OFD1: variants seen among roughly 807,000 people sequenced by gnomAD.
OFD1 encodes the protein OFD1 centriole and centriolar satellite protein, also known as centriole and centriolar satellite protein OFD1.
OFD1 carries 12 observed loss-of-function variants against 81.4 expected under a neutral mutation model. The observed-to-expected ratio is 0.15, with a 90% CI of 0.09 to 0.24. OFD1 has a LOEUF of 0.24. Ranked by LOEUF, OFD1 falls within the 10% of genes least tolerant of loss-of-function variation. The pLI is 1.00. For missense variants in OFD1, 685 were observed against 733.9 expected (o/e 0.93, Z 0.77); for synonymous variants, 256 against 263.7 (o/e 0.97, Z 0.28).
downstream of OFD1, chrX:13,773,255 A>G (rs2048334468): frequency 6.9e-6 from 2 of 287,917 alleles, no homozygotes; most frequent in East Asian, 9.9e-5. Context: ...GTGAACTGGA[A>G]AAAAATGGCC....
At chrX:13,733,903 C>G, upstream of OFD1, 1 of 422,894 alleles carries the variant, frequency 2.4e-6, no homozygotes. Context: ...TCAACCACCT[C>G]CCCTTTAAAC....
At position 13,758,407 on chromosome X, in the gene OFD1, A is replaced by G; in HGVS notation, c.1613A>G (p.Gln538Arg). The change falls in exon 15 of 23, where the codon CAG becomes CGG. Residue 538 changes from glutamine to arginine, a missense_variant. By Grantham distance (43) the Gln-to-Arg change is conservative (BLOSUM62 1). Coordinates refer to ENST00000340096, the MANE Select transcript of OFD1 (RefSeq NM_003611.3). ...GCTTCTGTAAAGAGTTTAACTACTC[A>G]GGTTGCCGATTTAAAATTGCAACTG... ...YKASVKSLTT[Q>R]VADLKLQLKQ... 8.3e-7 allele frequency: 1 copy of G among 1,206,698 alleles called. No homozygotes were observed.
chrX:13,727,714 T>A, the OFD1 span, among the ~76,000 whole-genome samples: 1 of 110,838 alleles, frequency 9.0e-6, no homozygotes, highest in Non-Finnish European at 1.9e-5. Context: ...GCAAACAAAT[T>A]CAAAAGCTAG....
chrX:13,736,716 A>C, intron 3 of OFD1, 38 bp downstream of exon 3: 1 of 1,063,196 alleles, frequency 9.4e-7, no homozygotes, highest in Non-Finnish European at 1.3e-6. Flanking sequence ...AGTTTTTATT[A>C]ACAGGTTCTT....
chrX:13,746,736 A>G, intron 7 of OFD1, 44 bp from the exon 8 acceptor site: 1 of 1,003,421 alleles, frequency 1.0e-6, no homozygotes, highest in Non-Finnish European at 1.4e-6. Flanking sequence ...CTGTTTTTAT[A>G]GTATAATAGT....
At chrX:13,756,401 T>G (rs2047714186) in intron 12 of OFD1, among the ~76,000 whole-genome samples, 177 bp from the exon 13 acceptor site, 1 of 112,092 alleles carries the variant, frequency 8.9e-6, no homozygotes, top group South Asian at 3.7e-4. Flanking sequence ...CTGCCCCAAC[T>G]GTAGGGCGGA....
At chrX:13,729,453 C>T in the OFD1 span, among the ~76,000 whole-genome samples, 1 of 112,144 alleles carries the variant, frequency 8.9e-6, no homozygotes, top group African/African-American at 3.2e-5. Flanking sequence ...CACACATCTA[C>T]AACCATCTGA....
intron 2 of OFD1, 87 bp from the exon 3 acceptor site, chrX:13,736,391 C>A: frequency 9.2e-7 from 1 of 1,083,466 alleles, no homozygotes; most frequent in Non-Finnish European, 1.3e-6. Context: ...GAATGTAGCT[C>A]ATCTGTGTAT....
At chrX:13,768,654 A>T in intron 21 of OFD1, 64 bp from the exon 22 acceptor site, 1 of 861,289 alleles carries the variant, frequency 1.2e-6, no homozygotes, top group Non-Finnish European at 1.7e-6. Flanking sequence ...AATGGTTCTT[A>T]AAGTATTTCA....
At chrX:13,771,016 G>A (rs916154171), downstream of OFD1, 1 of 112,432 alleles carries the variant, frequency 8.9e-6, no homozygotes, top group African/African-American at 3.2e-5. Flanking sequence ...TTTAAAATAA[G>A]CATACACAAG....
At chrX:13,746,212 C>T (rs1193325265) in intron 6 of OFD1, 107 bp from the exon 7 acceptor site, 3 of 692,379 alleles carry the variant, frequency 4.3e-6, no homozygotes, top group South Asian at 4.6e-5. Context: ...GCAGATAATC[C>T]CTACACTTTC....
At chrX:13,728,144 G>A in the OFD1 span, among the ~76,000 whole-genome samples, 1 of 111,703 alleles carries the variant, frequency 9.0e-6, no homozygotes, top group Non-Finnish European at 1.9e-5. Context: ...GGACCAGATG[G>A]ATTCACATCC....
chrX:13,771,435 AAAG>A (rs765592727), downstream of OFD1: 5 of 112,140 alleles, frequency 4.5e-5, no homozygotes, highest in Admixed American at 3.8e-4. Flanking sequence ...ATTAACCAAA[AAAG>A]AGAATCCAAA....
the OFD1 span, among the ~76,000 whole-genome samples, chrX:13,725,157 C>T: frequency 8.8e-6 from 1 of 113,154 alleles, no homozygotes; most frequent in African/African-American, 3.2e-5. Context: ...TAGACTCCAC[C>T]TCTCTGGGCA....
intron 5 of OFD1, among the ~76,000 whole-genome samples, chrX:13,740,810 C>A (rs999761807): frequency 1.9e-5 from 2 of 105,238 alleles, no homozygotes; most frequent in African/African-American, 7.0e-5. Context: ...AAAAAAAAAT[C>A]TATGTAGTTA....
In OFD1 at chrX:13,761,222, C is replaced by G. The variant is rs140369491; in HGVS notation, c.2387+11C>G. ...GGAGCAGAAAGTGGGGTAAGTATAA[C>G]GTTCTGATTGATTAGCTTCAGCTGA... On this transcript the variant is annotated intron_variant, in intron 17 of 22. Transcript: ENST00000340096. 3.3e-6 allele frequency: 4 copies of G among 1,208,824 alleles called. No individual in the cohort carries two copies. Among genetic ancestry groups the G allele is most frequent in the Non-Finnish European group, 4.5e-6 (4 of 893,404 alleles).
intron 8 of OFD1, among the ~76,000 whole-genome samples, chrX:13,748,389 T>G (rs751698513): frequency 5.6e-4 from 63 of 112,297 alleles, no homozygotes; most frequent in African/African-American, 1.9e-3. Context: ...AAGACCCAGC[T>G]TGGATGTCAC....
At chrX:13,771,865 A>AGGGTTGGTATTTCATTTTTTT (rs1466460614), downstream of OFD1, 3 of 112,652 alleles carry the variant, frequency 2.7e-5, no homozygotes, top group African/African-American at 6.5e-5. Flanking sequence ...AATTTAAATT[A>AGGGTTGGTATTTCATTTTTTT]CTTAAGTATT....
chrX:13,753,262 T>TA, intron 10 of OFD1, 106 bp from the exon 11 acceptor site: 1 of 1,184,042 alleles, frequency 8.4e-7, no homozygotes, highest in Non-Finnish European at 1.1e-6. Context: ...AGTTGTCATG[T>TA]TTAGCACCCT....
Sources: gnomAD v4.1 joint callset for allele counts (sites outside exome capture counted in the v4.1 genomes callset) on GRCh38, gnomAD v4.1.1 for gene constraint, MANE v1.5 for transcripts, NCBI Gene and HGNC (gene_info 2026-07-23, HGNC 2026-07-21) for gene names.